Variants in WDR70 observed in about 807,000 individuals in gnomAD.
WDR70 encodes WD repeat-containing protein 70.
A neutral mutation model predicts 88.6 loss-of-function variants in WDR70; 53 were observed. The ratio of observed to expected loss-of-function variants is 0.60; its 90% confidence interval spans 0.48 to 0.75. WDR70 has a LOEUF of 0.75. Among genes scored for constraint, WDR70 ranks in the 30% least tolerant of loss-of-function variants. The pLI is 0.00. For synonymous variants in WDR70, 280 were observed against 270.0 expected, an observed-to-expected ratio of 1.04 and a Z score of -0.36; for missense variants, 610 against 823.2, an observed-to-expected ratio of 0.74 and a Z score of 3.17.
At chr5:37,687,925 C>A in intron 10 of WDR70, 2 of 692,506 alleles carry the variant, frequency 2.9e-6, no homozygotes, top group Non-Finnish European at 5.3e-6. Flanking sequence ...CAAGTTAAGA[C>A]TGTCATATGG....
intron 9 of WDR70, among the ~76,000 whole-genome samples, chr5:37,554,924 A>G (rs1458315620): frequency 6.6e-6 from 1 of 152,218 alleles, no homozygotes; most frequent in East Asian, 1.9e-4. Context: ...TATATGGTTT[A>G]AATATGTATT....
intron 8 of WDR70, among the ~76,000 whole-genome samples, chr5:37,496,206 G>A (rs1740210195): frequency 6.6e-6 from 1 of 152,166 alleles, no homozygotes. Flanking sequence ...TGTGGGCAGG[G>A]CCAAATAAGG....
intron 5 of WDR70, among the ~76,000 whole-genome samples, chr5:37,397,161 CA>C (rs1749043612): frequency 7.1e-6 from 1 of 141,342 alleles, no homozygotes; most frequent in Non-Finnish European, 1.5e-5. Context: ...AACCCCCCCG[CA>C]AAAAACCTGA....
chr5:37,390,161 G>A (rs1384943257), intron 3 of WDR70, among the ~76,000 whole-genome samples: 1 of 151,868 alleles, frequency 6.6e-6, no homozygotes, highest in Non-Finnish European at 1.5e-5. Flanking sequence ...CAATTGTAGA[G>A]TGAGATTATC....
chr5:37,737,792 T>A (rs1748343884), intron 17 of WDR70, among the ~76,000 whole-genome samples: 1 of 152,282 alleles, frequency 6.6e-6, no homozygotes, highest in African/African-American at 2.4e-5. Flanking sequence ...TAGAATTCTG[T>A]TTCTCTTTTC....
chr5:37,706,684 A>G (rs1385670672), intron 13 of WDR70, among the ~76,000 whole-genome samples: 3 of 151,532 alleles, frequency 2.0e-5, no homozygotes, highest in African/African-American at 7.3e-5. Flanking sequence ...AGTCTAGGGT[A>G]TATGTTTATT....
At chr5:37,494,078 C>CA (rs1193138788) in intron 8 of WDR70, among the ~76,000 whole-genome samples, 2 of 152,162 alleles carry the variant, frequency 1.3e-5, no homozygotes, top group African/African-American at 4.8e-5. Context: ...CTTGGCCTCC[C>CA]AAAGTGCTGG....
chr5:37,540,146 T>A (rs1323983916), intron 9 of WDR70, among the ~76,000 whole-genome samples: 1 of 152,232 alleles, frequency 6.6e-6, no homozygotes, highest in East Asian at 1.9e-4. Context: ...AATTGACAAA[T>A]AACTGACAGT....
intron 9 of WDR70, among the ~76,000 whole-genome samples, chr5:37,557,344 T>A (rs1378332664): frequency 2.0e-5 from 3 of 151,998 alleles, no homozygotes; most frequent in Non-Finnish European, 4.4e-5. Context: ...GAACCCTGAA[T>A]AGATCAACCA....
intron 13 of WDR70, among the ~76,000 whole-genome samples, chr5:37,715,377 G>A (rs187302054): frequency 8.0e-5 from 12 of 150,702 alleles, no homozygotes; most frequent in Admixed American, 6.0e-4. Context: ...CACAAGTCTG[G>A]CCCATGGTAG....
intron 10 of WDR70, among the ~76,000 whole-genome samples, chr5:37,678,247 G>T (rs1389770829): frequency 6.6e-6 from 1 of 152,064 alleles, no homozygotes; most frequent in Non-Finnish European, 1.5e-5. Context: ...AGTTAATATT[G>T]TTATGTGTGA....
intron 3 of WDR70, among the ~76,000 whole-genome samples, chr5:37,388,277 C>T (rs1447726696): frequency 4.6e-5 from 7 of 151,870 alleles, no homozygotes; most frequent in African/African-American, 1.2e-4. Context: ...CCACCATGCC[C>T]GGCTAATTTT....
chr5:37,454,166 G>A (rs1581295238), intron 7 of WDR70, among the ~76,000 whole-genome samples: 1 of 152,146 alleles, frequency 6.6e-6, no homozygotes, highest in Non-Finnish European at 1.5e-5. Flanking sequence ...GAAAAGAAAG[G>A]AAGCATAAGG....
intron 10 of WDR70, among the ~76,000 whole-genome samples, chr5:37,616,513 A>T (rs1744348114): frequency 6.6e-6 from 1 of 152,074 alleles, no homozygotes; most frequent in Admixed American, 6.6e-5. Flanking sequence ...ACTCCACCCT[A>T]TATGCCTCTC....
chr5:37,508,597 T>G (rs942130438), intron 8 of WDR70, among the ~76,000 whole-genome samples: 11 of 152,254 alleles, frequency 7.2e-5, no homozygotes, highest in African/African-American at 2.7e-4. Context: ...TGTGGTTAAT[T>G]ACATTGATTT....
intron 9 of WDR70, among the ~76,000 whole-genome samples, chr5:37,579,273 T>C (rs1016947182): frequency 2.0e-5 from 3 of 152,134 alleles, no homozygotes; most frequent in African/African-American, 7.2e-5. Context: ...GGAAGAGTAG[T>C]GAAAAGGAAA....
chr5:37,481,133 C>G (rs984992611), intron 8 of WDR70, among the ~76,000 whole-genome samples: 3 of 152,244 alleles, frequency 2.0e-5, no homozygotes, highest in Non-Finnish European at 4.4e-5. Context: ...TACAGCCCCC[C>G]TTCTGGCTGC....
chr5:37,718,375 A>C (rs916800309), intron 13 of WDR70, among the ~76,000 whole-genome samples: 1 of 152,150 alleles, frequency 6.6e-6, no homozygotes, highest in Non-Finnish European at 1.5e-5. Flanking sequence ...TCAGGCCTAC[A>C]TTGTGGATCT....
chr5:37,666,392 T>C (rs529454612), intron 10 of WDR70, among the ~76,000 whole-genome samples: 3 of 152,234 alleles, frequency 2.0e-5, no homozygotes, highest in Non-Finnish European at 4.4e-5. Flanking sequence ...GTAACTGTGC[T>C]ATTTGCCAAG....
Sources: gnomAD v4.1 joint callset for allele counts (sites outside exome capture counted in the v4.1 genomes callset) on GRCh38, gnomAD v4.1.1 for gene constraint, MANE v1.5 for transcripts, NCBI Gene and HGNC (gene_info 2026-07-23, HGNC 2026-07-21) for gene names.